The following CPM variants were observed in gnomAD, a reference collection of about 807,000 sequenced individuals.
CPM encodes the protein renal carboxypeptidase.
A neutral mutation model predicts 46.4 loss-of-function variants in CPM; 35 were observed. That is an observed-to-expected ratio of 0.75 (90% CI 0.58 to 1.00). The LOEUF (loss-of-function observed/expected upper bound fraction) is 1.00. Ranked by LOEUF, CPM falls within the 50% of genes least tolerant of loss-of-function variation. The pLI, the probability that CPM is intolerant of heterozygous loss-of-function variation, is 0.00. For synonymous variants in CPM, 195 were observed against 195.3 expected (o/e 1.00, Z 0.01); for missense variants, 422 against 530.4 (o/e 0.80, Z 2.01).
intron 3 of CPM, among the ~76,000 whole-genome samples, chr12:68,877,808 T>C (rs1270978375): frequency 1.3e-5 from 2 of 152,212 alleles, no homozygotes; most frequent in Admixed American, 6.5e-5. Flanking sequence ...CTACTGCATG[T>C]TGACTGTACT....
chr12:68,857,623 G>A (rs534876363), intron 8 of CPM, among the ~76,000 whole-genome samples: 12 of 151,866 alleles, frequency 7.9e-5, no homozygotes, highest in Non-Finnish European at 1.5e-4. Flanking sequence ...TATATATGGT[G>A]GAGAAGGGAA....
At chr12:68,894,280 G>T (rs1886777043) in intron 2 of CPM, among the ~76,000 whole-genome samples, 1 of 152,208 alleles carries the variant, frequency 6.6e-6, no homozygotes, top group African/African-American at 2.4e-5. Context: ...TGCTGGTTTT[G>T]TTCACTGCTA....
At chr12:68,934,998 C>T (rs1888646649), upstream of CPM, among the ~76,000 whole-genome samples, 1 of 151,918 alleles carries the variant, frequency 6.6e-6, no homozygotes, top group South Asian at 2.1e-4. Context: ...CTGCAACCTC[C>T]TCTCAGGTTC....
chr12:68,858,868 A>C (rs746216326), intron 8 of CPM, 55 bp downstream of exon 8: 47 of 1,138,188 alleles, frequency 4.1e-5, no homozygotes, highest in Non-Finnish European at 5.3e-5. Context: ...CTGGGTGAAT[A>C]AGTATTATGA....
At chr12:68,847,452 C>CATTTTTTT (rs1884398691), downstream of CPM, 1 of 88,694 alleles carries the variant, frequency 1.1e-5, no homozygotes, top group Non-Finnish European at 2.0e-5. Context: ...TATCTCCTTT[C>CATTTTTTT]TTTTTTTTTT....
chr12:68,864,086 T>C (rs1044269493), intron 7 of CPM, among the ~76,000 whole-genome samples: 2 of 152,238 alleles, frequency 1.3e-5, no homozygotes, highest in Admixed American at 6.5e-5. Context: ...CCAATATATG[T>C]ATTTTTTGAG....
chr12:68,886,738 A>C (rs1363023983), intron 2 of CPM, among the ~76,000 whole-genome samples: 1 of 152,216 alleles, frequency 6.6e-6, no homozygotes, highest in Non-Finnish European at 1.5e-5. Context: ...GATGTGACAC[A>C]GCCCCTTGGG....
intron 2 of CPM, among the ~76,000 whole-genome samples, chr12:68,890,111 A>G (rs758347023): frequency 1.3e-5 from 2 of 152,118 alleles, no homozygotes; most frequent in Non-Finnish European, 2.9e-5. Context: ...GTTCCAACCA[A>G]TACAAGAACC....
intron 2 of CPM, chr12:68,914,133 T>A: frequency 2.1e-6 from 1 of 481,066 alleles, no homozygotes. Context: ...GAAGAATGAA[T>A]CCATTCTTTG....
In CPM at chr12:68,944,730, A is replaced by T. The variant is rs568163719; in HGVS notation, c.-3-11890T>A. 3.4e-4 allele frequency among the ~76,000 whole-genome samples: 47 copies of T among 137,908 alleles called. 1 individual carries two copies. The South Asian group carries it at 9.5e-3, about 28-fold the overall frequency. 90.5% of individuals were successfully genotyped at this position (137,908 alleles called of 152,430 possible). A position where few individuals can be genotyped will look rare whatever the true frequency, so the allele number is the denominator to read the frequency against. ...ACCTTGTTTTTTGTTTTTTTTTTTT[A>T]AATTACAATAAAGAAGTGACAAGGC... On this transcript the variant is annotated intron_variant, in intron 1 of 8. Transcript: ENST00000546373.
intron 2 of CPM, among the ~76,000 whole-genome samples, chr12:68,889,436 T>C (rs988132201): frequency 6.6e-6 from 1 of 152,208 alleles, no homozygotes; most frequent in Non-Finnish European, 1.5e-5. Flanking sequence ...AAATATTTTA[T>C]AGTATGGAAA....
At chr12:68,929,914 A>T (rs11610510) in intron 2 of CPM, among the ~76,000 whole-genome samples, 6,371 of 152,340 alleles carry the variant, frequency 0.042, 169 homozygotes, top group Non-Finnish European at 0.061. Context: ...AAAATATGTG[A>T]TATGCATATA....
chr12:68,867,872 A>G (rs544868444), intron 6 of CPM, among the ~76,000 whole-genome samples: 1 of 152,312 alleles, frequency 6.6e-6, no homozygotes, highest in South Asian at 2.1e-4. Flanking sequence ...GGCATTATGG[A>G]TCCCTAGCAG....
chr12:68,935,005 G>T (rs1400107651), upstream of CPM, among the ~76,000 whole-genome samples: 2 of 151,902 alleles, frequency 1.3e-5, no homozygotes. Context: ...CTCCTCTCAG[G>T]TTCAAGCAAT....
At chr12:68,922,661 C>T (rs998489909) in intron 2 of CPM, among the ~76,000 whole-genome samples, 5 of 150,060 alleles carry the variant, frequency 3.3e-5, no homozygotes, top group African/African-American at 1.2e-4. Flanking sequence ...TTAAGCCCTC[C>T]AGTTGAGCTT....
intron 1 of CPM, among the ~76,000 whole-genome samples, chr12:68,940,524 G>A (rs546745179): frequency 1.3e-5 from 2 of 148,622 alleles, no homozygotes; most frequent in African/African-American, 2.5e-5. Context: ...TGTTAATTGT[G>A]TGAAGACATT....
chr12:68,906,349 GC>G (rs1321370659), intron 2 of CPM, among the ~76,000 whole-genome samples: 2 of 152,142 alleles, frequency 1.3e-5, no homozygotes, highest in Non-Finnish European at 2.9e-5. Flanking sequence ...AAATACCTCA[GC>G]TGACTCTAAT....
rs747848477 is a variant in CPM at position 68,854,295 on chromosome 12, A to C, written c.*2142T>G. The C allele has an allele frequency of 1.5e-4, 23 of 152,238 alleles. No individual in the cohort carries two copies. The highest frequency in any genetic ancestry group is 2.8e-4 in the Non-Finnish European group (19 of 68,050). The allele number at this position is 152,238 out of a possible 1,614,324, so 9.4% of individuals were successfully genotyped here. A position where few individuals can be genotyped will look rare whatever the true frequency, so the allele number is the denominator to read the frequency against. ...CCTGGCACCCCTTGTTCATTCATTC[A>C]TTCAGTACCTACTATGTGCTAGGCT... On this transcript the variant is annotated 3_prime_UTR_variant, in exon 9 of 9. Coordinates refer to ENST00000551568, the MANE Select transcript of CPM (RefSeq NM_198320.5).
At chr12:68,885,041 T>G (rs1480719736) in intron 3 of CPM, among the ~76,000 whole-genome samples, 1 of 152,170 alleles carries the variant, frequency 6.6e-6, no homozygotes, top group Non-Finnish European at 1.5e-5. Flanking sequence ...CCTCCTGGGT[T>G]CAAGCAATTC....
Sources: allele counts gnomAD v4.1 joint callset (sites outside exome capture counted in the v4.1 genomes callset), GRCh38; gene constraint gnomAD v4.1.1; transcripts MANE v1.5; gene names NCBI Gene and HGNC (gene_info 2026-07-23, HGNC 2026-07-21).